The following PPP2R5C variants were observed in gnomAD, a reference collection of about 807,000 sequenced individuals.
PPP2R5C encodes serine/threonine-protein phosphatase 2A 56 kDa regulatory subunit gamma isoform.
A neutral mutation model predicts 68.9 loss-of-function variants in PPP2R5C; 7 were observed. The ratio of observed to expected loss-of-function variants is 0.10; its 90% CI spans 0.06 to 0.19. The LOEUF (loss-of-function observed/expected upper bound fraction) is 0.19, where lower values mean the gene tolerates loss of function less well. Ranked by LOEUF, PPP2R5C falls within the 10% of genes least tolerant of loss-of-function variation. PPP2R5C has a pLI of 1.00. For missense variants in PPP2R5C, 348 were observed against 641.3 expected (o/e 0.54, Z 4.94); for synonymous variants, 210 against 222.2 (o/e 0.95, Z 0.49).
At chr14:101,823,494 C>A (rs1205181441) in intron 1 of PPP2R5C, among the ~76,000 whole-genome samples, 1 of 152,172 alleles carries the variant, frequency 6.6e-6, no homozygotes, top group Non-Finnish European at 1.5e-5. Flanking sequence ...ATGATAGATA[C>A]CCAAATGAGA....
rs1391508104 is a variant in PPP2R5C at position 101,891,969 on chromosome 14, G to GT, written c.690-1026dup. The stretch of plus-strand genomic sequence containing the variant: ...GTTTTTTTGTTTGTTTTTTGTTTTT[G>GT]TTTTTGAGATAGAGTCTCGCTCTGT... On this transcript the variant is annotated intron_variant, in intron 6 of 13. Transcript: ENST00000334743. This position sits in a 1 kb window ranked among gnomAD's most constrained non-coding sequence, Gnocchi z 4.9. Among the ~76,000 whole-genome samples the GT allele has an allele frequency of 6.6e-6, 1 of 152,126 alleles. No homozygotes were observed. Among genetic ancestry groups the GT allele is most frequent in the South Asian group, 2.1e-4 (1 of 4,816 alleles).
At chr14:101,800,270 C>T (rs61994034) in intron 3 of PPP2R5C, among the ~76,000 whole-genome samples, 19,167 of 151,886 alleles carry the variant, frequency 0.13, 1,338 homozygotes, top group Middle Eastern at 0.18. Flanking sequence ...TTTTTTAAAT[C>T]GTTACTTTAG....
intron 2 of PPP2R5C, among the ~76,000 whole-genome samples, chr14:101,860,643 A>T (rs188953516): frequency 3.3e-5 from 5 of 152,332 alleles, no homozygotes; most frequent in Admixed American, 3.3e-4. Flanking sequence ...TTACGTTTGT[A>T]TCAGCAGTGT....
At chr14:101,885,667 G>A (rs1324956153) in intron 5 of PPP2R5C, among the ~76,000 whole-genome samples, 2 of 152,212 alleles carry the variant, frequency 1.3e-5, no homozygotes, top group African/African-American at 4.8e-5. Flanking sequence ...CATCTCGTTT[G>A]TAAAATGGAG....
At chr14:101,774,442 T>G (rs2037312733) in intron 2 of PPP2R5C, among the ~76,000 whole-genome samples, 1 of 152,174 alleles carries the variant, frequency 6.6e-6, no homozygotes, top group Non-Finnish European at 1.5e-5. Flanking sequence ...GAGAGATCAG[T>G]ATTCAGACCT....
chr14:101,927,966 A>C (rs1430405205), exon 14 of PPP2R5C: 1 of 147,414 alleles, frequency 6.8e-6, no homozygotes, highest in East Asian at 1.9e-4. Flanking sequence ...AATAAAGAAC[A>C]TGTGAATTTT....
At chr14:101,789,633 T>C (rs2038271763) in intron 3 of PPP2R5C, 1 of 152,248 alleles carries the variant, frequency 6.6e-6, no homozygotes, top group South Asian at 2.1e-4. Context: ...ATGGAGCTGG[T>C]CTGTAGTTTT....
exon 14 of PPP2R5C, chr14:101,925,250 T>G: frequency 6.2e-7 from 1 of 1,613,380 alleles, no homozygotes; most frequent in Non-Finnish European, 8.5e-7. Flanking sequence ...GCCGATGAGC[T>G]GGCCTCCCAG....
Position 101,915,545 on chromosome 14 carries a change from T to C in PPP2R5C, c.1327-2286T>C, listed in dbSNP as rs2046623448. Among the ~76,000 whole-genome samples the C allele has an allele frequency of 6.6e-6, 1 of 152,206 alleles. No individual in the cohort carries two copies. Among genetic ancestry groups the C allele is most frequent in the South Asian group, 2.1e-4 (1 of 4,836 alleles). On this transcript the variant is annotated intron_variant, in intron 12 of 13. Transcript: ENST00000334743. The surrounding 1 kb of genome is among the most constrained non-coding windows in gnomAD (Gnocchi z 4.2). The stretch of plus-strand genomic sequence containing the variant: ...AAGCGGAGGCTGTTGGTGGGTCCCA[T>C]GAAGAGCACTGCTTGTTGCCTGGAG...
In PPP2R5C at chr14:101,869,606, C is replaced by T. The variant is rs1033235096; in HGVS notation, c.295-12555C>T. Among the ~76,000 whole-genome samples the T allele has an allele frequency of 2.0e-5, 3 of 152,156 alleles. No individual in the cohort carries two copies. In the South Asian group the frequency reaches 6.2e-4, roughly 32 times the overall value. ...TATTTGGTGTCATCAGTCCTTTTAT[C>T]TCATTTTGATTTTAATTTGCATTTC... is the stretch of plus-strand genomic sequence containing the variant. On this transcript the variant is annotated intron_variant, in intron 2 of 13. Coordinates refer to ENST00000334743, the Ensembl canonical transcript of PPP2R5C.
chr14:101,896,724 T>A lies in PPP2R5C; in HGVS notation c.852+2164T>A, dbSNP rs565047179. ...CATTTTTTACATTGGAGTTTTTTTT[T>A]AATTATTTGAGTATCAAAGTAAGGA... is the stretch of plus-strand genomic sequence containing the variant. On this transcript the variant is annotated intron_variant, in intron 8 of 13. Coordinates refer to ENST00000334743, the Ensembl canonical transcript of PPP2R5C. 3.0e-3 allele frequency among the ~76,000 whole-genome samples: 463 copies of A among 152,234 alleles called. 1 individual carries two copies. The highest frequency in any genetic ancestry group is 0.011 in the African/African-American group (442 of 41,562).
rs903015824 is a variant in PPP2R5C, at chr14:101,882,916, G to A, written c.406-341G>A. Reference sequence around the variant, plus strand: ...TTGGCATTGTGGGACACTCCTAGGCGACAGGCTGCAAATCCCCCCTGCAGA... The same window carrying A: ...TTGGCATTGTGGGACACTCCTAGGCAACAGGCTGCAAATCCCCCCTGCAGA... On this transcript the variant is annotated intron_variant, in intron 3 of 13. Coordinates refer to ENST00000334743, the Ensembl canonical transcript of PPP2R5C. This position sits in a 1 kb window ranked among gnomAD's most constrained non-coding sequence, Gnocchi z 4.9. 30 of 220,038 alleles carry A rather than the reference G, an allele frequency of 1.4e-4. No homozygotes were observed. The East Asian group carries it at 1.7e-3, about 12-fold the overall frequency. 13.6% of individuals were successfully genotyped at this position (220,038 alleles called of 1,614,324 possible).
chr14:101,891,632 T>C lies in PPP2R5C; in HGVS notation c.689+1336T>C, dbSNP rs1193038686. Among the ~76,000 whole-genome samples, 1 of 151,780 alleles carries C rather than the reference T, an allele frequency of 6.6e-6. No homozygotes were observed. Among genetic ancestry groups the C allele is most frequent in the Non-Finnish European group, 1.5e-5 (1 of 67,936 alleles). ...CGTGTGCATAGGGCCGCCGGGCAGC[T>C]CCCGCCGAGAGGCTGATTAGTTTTA... On this transcript the variant is annotated intron_variant, in intron 6 of 13. Transcript: ENST00000334743. The surrounding 1 kb of genome is among the most constrained non-coding windows in gnomAD (Gnocchi z 4.9).
intron 1 of PPP2R5C, among the ~76,000 whole-genome samples, chr14:101,829,418 G>T (rs1049816157): frequency 7.9e-5 from 12 of 151,960 alleles, no homozygotes; most frequent in Non-Finnish European, 1.8e-4. Context: ...AGGCAAGAAG[G>T]CCAAGCAGAA....
At chr14:101,841,384 G>A (rs2140422072) in intron 1 of PPP2R5C, among the ~76,000 whole-genome samples, 1 of 152,354 alleles carries the variant, frequency 6.6e-6, no homozygotes, top group South Asian at 2.1e-4. Context: ...TTGGACCATA[G>A]GGAGCAAGTC....
intron 1 of PPP2R5C, chr14:101,831,836 A>C: frequency 1.5e-6 from 1 of 689,546 alleles, no homozygotes; most frequent in African/African-American, 1.7e-5. Flanking sequence ...GCAATCCCCA[A>C]CATGGACCAC....
chr14:101,816,170 AG>A (rs2039654950), intron 1 of PPP2R5C, among the ~76,000 whole-genome samples: 2 of 152,200 alleles, frequency 1.3e-5, no homozygotes, highest in Non-Finnish European at 2.9e-5. Context: ...ACTACCAAAA[AG>A]GTGACAGACT....
At position 101,919,969 on chromosome 14, in the gene PPP2R5C, C is replaced by CAAAAAA. The variant is rs34641396; in HGVS notation, c.1443+2040_1443+2045dup. 2.5e-4 allele frequency among the ~76,000 whole-genome samples: 13 copies of CAAAAAA among 52,842 alleles called. 1 individual carries two copies. The highest frequency in any genetic ancestry group is 8.1e-4 in the African/African-American group (9 of 11,164). The allele number at this position is 52,842 out of a possible 152,430, so 34.7% of individuals were successfully genotyped here. A position where few individuals can be genotyped will look rare whatever the true frequency, so the allele number is the denominator to read the frequency against. ...GGGCAAGAAAAGCAAAACTCCGTCT[C>CAAAAAA]AAAAAAAAAAAAAAAAAAAAAAACC... On this transcript the variant is annotated intron_variant, in intron 13 of 13. Transcript: ENST00000334743.
At position 101,791,680 on chromosome 14, in the gene PPP2R5C, T is replaced by C. The variant is rs187419899; in HGVS notation, c.259+5497T>C. Among the ~76,000 whole-genome samples the C allele has an allele frequency of 5.0e-3, 759 of 152,166 alleles. 2 individuals carry two copies. The highest frequency in any genetic ancestry group is 9.4e-3 in the Admixed American group (143 of 15,282). On this transcript the variant is annotated intron_variant, in intron 3 of 14. Coordinates refer to the PPP2R5C transcript ENST00000328724. ...TTTTTTTTTTCATTTATGAAAGTTCTGTTTGGTTCTTTTTTCAGTCTGCAG... is the reference window on the plus strand; with the variant it reads ...TTTTTTTTTTCATTTATGAAAGTTCCGTTTGGTTCTTTTTTCAGTCTGCAG...
Sources: allele counts gnomAD v4.1 joint callset (sites outside exome capture counted in the v4.1 genomes callset), GRCh38; gene constraint gnomAD v4.1.1; non-coding constraint Gnocchi (gnomAD v3.1); transcripts MANE v1.5; gene names NCBI Gene and HGNC (gene_info 2026-07-23, HGNC 2026-07-21).